CNTNAP2: variants seen among roughly 807,000 people sequenced by gnomAD.
CNTNAP2 encodes the protein contactin associated protein 2.
Under a neutral mutation model 155.2 loss-of-function variants are expected in CNTNAP2, and 98 were observed. The ratio of observed to expected loss-of-function variants is 0.63; its 90% CI spans 0.54 to 0.75. The LOEUF (loss-of-function observed/expected upper bound fraction) is 0.75. Ranked by LOEUF, CNTNAP2 falls within the 30% of genes least tolerant of loss-of-function variation. The pLI, the probability that CNTNAP2 is intolerant of heterozygous loss-of-function variation, is 0.00. For synonymous variants in CNTNAP2, 651 were observed against 631.2 expected, an observed-to-expected ratio of 1.03 and a Z score of -0.47; for missense variants, 1,727 against 1,688.1, an observed-to-expected ratio of 1.02 and a Z score of -0.40.
In CNTNAP2 at chr7:146,292,389, G is replaced by A. The variant is rs560269533; in HGVS notation, c.97+175416G>A. Reference sequence around the variant, plus strand: ...GATAGGTGCAGCAAACTACCATGGCGTATTTACCTATGTAACAAAACTGCC... The same window carrying A: ...GATAGGTGCAGCAAACTACCATGGCATATTTACCTATGTAACAAAACTGCC... On this transcript the variant is annotated intron_variant, in intron 1 of 23. Transcript: ENST00000361727. Among the ~76,000 whole-genome samples the A allele has an allele frequency of 1.2e-4, 19 of 152,190 alleles. 1 individual carries two copies. In the South Asian group the frequency reaches 3.1e-3, roughly 25 times the overall value.
chr7:148,036,451 C>T (rs747238533), intron 15 of CNTNAP2, among the ~76,000 whole-genome samples: 4 of 151,904 alleles, frequency 2.6e-5, no homozygotes, highest in African/African-American at 7.3e-5. Context: ...GTTTCTGGGG[C>T]GAATTGCTTA....
At chr7:146,193,662 G>T (rs1180863439) in intron 1 of CNTNAP2, among the ~76,000 whole-genome samples, 1 of 152,228 alleles carries the variant, frequency 6.6e-6, no homozygotes, top group South Asian at 2.1e-4. Flanking sequence ...GGGAGGGGCT[G>T]CCATGAAGGT....
intron 13 of CNTNAP2, among the ~76,000 whole-genome samples, chr7:147,882,007 C>A (rs952364453): frequency 6.6e-6 from 1 of 151,734 alleles, no homozygotes; most frequent in Admixed American, 6.6e-5. Flanking sequence ...AAAACAGTGG[C>A]AAACTTGATG....
intron 1 of CNTNAP2, among the ~76,000 whole-genome samples, chr7:146,723,062 T>TC (rs1204326840): frequency 6.6e-6 from 1 of 152,080 alleles, no homozygotes; most frequent in African/African-American, 2.4e-5. Flanking sequence ...TAAACCCTAC[T>TC]CCCTGTGAAT....
At chr7:148,185,379 A>T (rs760090074) in intron 18 of CNTNAP2, among the ~76,000 whole-genome samples, 110 of 152,312 alleles carry the variant, frequency 7.2e-4, no homozygotes, top group South Asian at 8.3e-4. Context: ...CATCCTCTTG[A>T]GGTTGTTATT....
chr7:148,107,964 A>G (rs75395794), intron 15 of CNTNAP2, among the ~76,000 whole-genome samples: 8,335 of 152,280 alleles, frequency 0.055, 438 homozygotes, highest in East Asian at 0.27. Flanking sequence ...CACTGGAGCC[A>G]GCCTGGCAGC....
chr7:147,885,999 A>T (rs1398659822), intron 13 of CNTNAP2, among the ~76,000 whole-genome samples: 1 of 152,244 alleles, frequency 6.6e-6, no homozygotes, highest in African/African-American at 2.4e-5. Flanking sequence ...GAGAAGTAAC[A>T]TTCTTCAAAT....
At chr7:147,410,530 T>C (rs1797086059) in intron 10 of CNTNAP2, among the ~76,000 whole-genome samples, 1 of 152,164 alleles carries the variant, frequency 6.6e-6, no homozygotes, top group South Asian at 2.1e-4. Flanking sequence ...CATGAGCACC[T>C]GAACTTAAAG....
intron 8 of CNTNAP2, among the ~76,000 whole-genome samples, chr7:147,298,701 A>C (rs1002951351): frequency 6.6e-6 from 1 of 152,256 alleles, no homozygotes; most frequent in Non-Finnish European, 1.5e-5. Flanking sequence ...TTTCCAGTGC[A>C]GCTGACTCTT....
At chr7:147,939,785 TTCTC>T (rs142659389) in intron 14 of CNTNAP2, among the ~76,000 whole-genome samples, 1 of 149,830 alleles carries the variant, frequency 6.7e-6, no homozygotes, top group Non-Finnish European at 1.5e-5. Flanking sequence ...CAATCTCTCT[TTCTC>T]TCTCTCTCTC....
At chr7:147,214,056 A>G (rs1213309225) in intron 8 of CNTNAP2, among the ~76,000 whole-genome samples, 1 of 152,136 alleles carries the variant, frequency 6.6e-6, no homozygotes, top group Non-Finnish European at 1.5e-5. Flanking sequence ...AAGCACCTTC[A>G]CAGAAAAACC....
At chr7:147,397,171 G>A (rs1220255508) in intron 10 of CNTNAP2, among the ~76,000 whole-genome samples, 1 of 151,924 alleles carries the variant, frequency 6.6e-6, no homozygotes, top group African/African-American at 2.4e-5. Context: ...ATGTATGCAA[G>A]TACTGATCTT....
intron 9 of CNTNAP2, among the ~76,000 whole-genome samples, chr7:147,315,956 T>G (rs1039603720): frequency 6.6e-6 from 1 of 152,068 alleles, no homozygotes; most frequent in Admixed American, 6.6e-5. Context: ...CATATATGTG[T>G]GTATATATAT....
At chr7:146,158,014 C>T (rs554707698) in intron 1 of CNTNAP2, among the ~76,000 whole-genome samples, 13 of 152,244 alleles carry the variant, frequency 8.5e-5, no homozygotes, top group South Asian at 2.1e-4. Context: ...CTCATACAGC[C>T]GGGTGCCCCT....
intron 1 of CNTNAP2, among the ~76,000 whole-genome samples, chr7:146,283,463 G>C (rs1563020881): frequency 6.6e-6 from 1 of 152,002 alleles, no homozygotes; most frequent in African/African-American, 2.4e-5. Context: ...AACCTCCCAG[G>C]CTCAAATCAT....
chr7:146,202,795 C>T (rs1363086991), intron 1 of CNTNAP2, among the ~76,000 whole-genome samples: 1 of 152,024 alleles, frequency 6.6e-6, no homozygotes, highest in Non-Finnish European at 1.5e-5. Flanking sequence ...ACTATGATTA[C>T]AGAAAATGTA....
At chr7:147,156,760 A>G (rs776669299) in intron 8 of CNTNAP2, among the ~76,000 whole-genome samples, 11 of 152,164 alleles carry the variant, frequency 7.2e-5, no homozygotes, top group Non-Finnish European at 1.2e-4. Flanking sequence ...TTGAGCTTTA[A>G]TAACTGGACT....
chr7:146,751,072 T>C (rs866159310), intron 1 of CNTNAP2, among the ~76,000 whole-genome samples: 1 of 152,148 alleles, frequency 6.6e-6, no homozygotes, highest in Non-Finnish European at 1.5e-5. Flanking sequence ...AATAAAATGG[T>C]GTTTGGGTTA....
chr7:147,063,569 G>A (rs1799723898), intron 4 of CNTNAP2, among the ~76,000 whole-genome samples: 2 of 151,956 alleles, frequency 1.3e-5, no homozygotes, highest in Admixed American at 6.6e-5. Flanking sequence ...AGCATATTGG[G>A]CCCAAGAAAG....
Sources: gnomAD v4.1 joint callset for allele counts (sites outside exome capture counted in the v4.1 genomes callset) on GRCh38, gnomAD v4.1.1 for gene constraint, MANE v1.5 for transcripts, NCBI Gene and HGNC (gene_info 2026-07-23, HGNC 2026-07-21) for gene names.